The following MSR1 variants were observed in gnomAD, a reference collection of about 807,000 sequenced individuals.
The protein encoded by MSR1 is macrophage scavenger receptor 1.
MSR1 carries 53 observed loss-of-function variants against 47.2 expected under a neutral mutation model. The ratio of observed to expected loss-of-function variants is 1.12; its 90% CI spans 0.90 to 1.41. The LOEUF is 1.41. MSR1 is among the 40% of genes most tolerant of loss of function. The pLI is 0.00. For missense variants in MSR1, 786 were observed against 546.9 expected (o/e 1.44, Z -4.36); for synonymous variants, 239 against 185.6 (o/e 1.29, Z -2.34).
intron 6 of MSR1, among the ~76,000 whole-genome samples, chr8:16,150,522 T>C (rs1188373172): frequency 6.6e-6 from 1 of 152,058 alleles, no homozygotes; most frequent in Non-Finnish European, 1.5e-5. Context: ...ATTGTAGCTA[T>C]TCAATAAATA....
chr8:16,112,944 T>G (rs930137923), intron 9 of MSR1, among the ~76,000 whole-genome samples: 1 of 16,928 alleles, frequency 5.9e-5, no homozygotes, highest in Non-Finnish European at 3.8e-4. Context: ...TTTTTTTAAG[T>G]TTTTTTTTTT....
chr8:16,148,218 A>T (rs1325265065), intron 7 of MSR1, among the ~76,000 whole-genome samples: 1 of 152,140 alleles, frequency 6.6e-6, no homozygotes, highest in East Asian at 1.9e-4. Flanking sequence ...ATGGCATTAT[A>T]GCTAATTGCT....
chr8:16,139,136 CTCTA>C (rs1800463829), intron 8 of MSR1, among the ~76,000 whole-genome samples: 1 of 152,198 alleles, frequency 6.6e-6, no homozygotes, highest in African/African-American at 2.4e-5. Flanking sequence ...ACTTGCATTG[CTCTA>C]TCTAATATAA....
intron 9 of MSR1, among the ~76,000 whole-genome samples, chr8:16,118,550 A>G (rs926739405): frequency 2.6e-5 from 4 of 152,090 alleles, no homozygotes; most frequent in South Asian, 4.1e-4. Flanking sequence ...GTGATGGTGC[A>G]TGCTGGTAGT....
chr8:16,148,571 C>G (rs1328074907), intron 7 of MSR1, among the ~76,000 whole-genome samples: 1 of 152,018 alleles, frequency 6.6e-6, no homozygotes, highest in East Asian at 1.9e-4. Context: ...ATCCTCCCAC[C>G]TCAGCCTCCT....
chr8:16,189,529 TTTATATATA>T (rs1802118966), intron 1 of MSR1, among the ~76,000 whole-genome samples: 1 of 98,520 alleles, frequency 1.0e-5, no homozygotes, highest in African/African-American at 5.2e-5. Context: ...AAAATCATAT[TTTATATATA>T]TTTTATATAT....
intron 4 of MSR1, among the ~76,000 whole-genome samples, chr8:16,166,833 T>C (rs1218172560): frequency 6.6e-6 from 1 of 152,116 alleles, no homozygotes; most frequent in African/African-American, 2.4e-5. Context: ...GGCATTCATT[T>C]AATTTATTTA....
intron 9 of MSR1, among the ~76,000 whole-genome samples, chr8:16,116,330 A>T (rs1585132428): frequency 6.6e-6 from 1 of 152,330 alleles, no homozygotes; most frequent in East Asian, 1.9e-4. Context: ...GCAATTTTTT[A>T]AGTTAGAAAA....
At chr8:16,171,844 G>A (rs1801496818) in intron 3 of MSR1, among the ~76,000 whole-genome samples, 2 of 152,108 alleles carry the variant, frequency 1.3e-5, no homozygotes, top group Admixed American at 1.3e-4. Flanking sequence ...CTATGGCGTT[G>A]GACAAGTTAC....
At chr8:16,132,718 C>T (rs1027353879) in intron 8 of MSR1, among the ~76,000 whole-genome samples, 1 of 152,122 alleles carries the variant, frequency 6.6e-6, no homozygotes, top group East Asian at 1.9e-4. Context: ...CTCCTTACCT[C>T]AGGTGATCTT....
At chr8:16,148,644 G>C (rs1374899615) in intron 7 of MSR1, among the ~76,000 whole-genome samples, 2 of 151,816 alleles carry the variant, frequency 1.3e-5, no homozygotes, top group African/African-American at 4.8e-5. Flanking sequence ...GGTTTCACCA[G>C]GTTGGCCAGG....
intron 8 of MSR1, among the ~76,000 whole-genome samples, chr8:16,131,013 G>A (rs1800243423): frequency 6.6e-6 from 1 of 152,050 alleles, no homozygotes; most frequent in Non-Finnish European, 1.5e-5. Context: ...GGATTGCTGG[G>A]TCAAATGGTA....
At chr8:16,114,699 G>A (rs950585527) in intron 9 of MSR1, among the ~76,000 whole-genome samples, 33 of 152,062 alleles carry the variant, frequency 2.2e-4, no homozygotes, top group Admixed American at 1.9e-3. Context: ...CTATTTAAAG[G>A]AGCATGCTTG....
At chr8:16,134,205 A>T (rs554951942) in intron 8 of MSR1, among the ~76,000 whole-genome samples, 14 of 152,234 alleles carry the variant, frequency 9.2e-5, no homozygotes, top group Admixed American at 7.2e-4. Context: ...GTTCCATTTT[A>T]GCAATATTTA....
At chr8:16,184,129 AT>A (rs1179479034) in intron 1 of MSR1, among the ~76,000 whole-genome samples, 1 of 151,642 alleles carries the variant, frequency 6.6e-6, no homozygotes, top group Non-Finnish European at 1.5e-5. Flanking sequence ...GACAACATTT[AT>A]TTTTCACCTT....
chr8:16,189,400 A>G lies in MSR1; in HGVS notation c.-5+3198T>C, dbSNP rs1802106689. ...ATATATATAAAATCTTATTTTATAT[A>G]TATTTTATATATATTTTATATATAT... On this transcript the variant is annotated intron_variant, in intron 1 of 9. Transcript: ENST00000262101. Among the ~76,000 whole-genome samples, 3 of 95,552 alleles carry G rather than the reference A, an allele frequency of 3.1e-5. No individual in the cohort carries two copies. In the South Asian group the frequency reaches 9.6e-4, roughly 30 times the overall value. The allele number at this position is 95,552 out of a possible 152,430, so 62.7% of individuals were successfully genotyped here.
chr8:16,189,247 A>AATCTTATTTTATT (rs1802095012), intron 1 of MSR1, among the ~76,000 whole-genome samples: 3 of 109,584 alleles, frequency 2.7e-5, no homozygotes, highest in African/African-American at 1.3e-4. Flanking sequence ...ATATATATTT[A>AATCTTATTTTATT]GATATAATCT....
At position 16,150,150 on chromosome 8, in the gene MSR1, A is replaced by G. The variant is rs1004277788; in HGVS notation, c.979+81T>C. On this transcript the variant is annotated intron_variant, in intron 7 of 9. Transcript: ENST00000262101. ...TGTATGTGTGTGTGTGTATATATAT[A>G]TATATATATATATATATATATAAAA... The G allele has an allele frequency of 1.1e-3, 258 of 241,766 alleles. 2 individuals carry two copies. The highest frequency in any genetic ancestry group is 6.4e-3 in the African/African-American group (239 of 37,144). The allele number at this position is 241,766 out of a possible 1,614,324, so 15.0% of individuals were successfully genotyped here.
At position 16,112,251 on chromosome 8, in the gene MSR1, T is replaced by C. The variant is rs182267937; in HGVS notation, c.1223-2033A>G. Among the ~76,000 whole-genome samples the C allele has an allele frequency of 6.8e-4, 103 of 152,320 alleles. 1 individual carries two copies. Among genetic ancestry groups the C allele is most frequent in the African/African-American group, 2.4e-3 (100 of 41,592 alleles). On this transcript the variant is annotated intron_variant, in intron 9 of 9. Coordinates refer to ENST00000262101, the MANE Select transcript of MSR1 (RefSeq NM_138715.3). ...TTAAGTGCTTGTGTATAAGGTAATA[T>C]GCTAGGTCTTTTCACATACATTTCT...
Sources: allele counts gnomAD v4.1 joint callset (sites outside exome capture counted in the v4.1 genomes callset), GRCh38; gene constraint gnomAD v4.1.1; transcripts MANE v1.5; gene names NCBI Gene and HGNC (gene_info 2026-07-23, HGNC 2026-07-21).